MAP2: variants seen among roughly 807,000 people sequenced by gnomAD.
MAP2 encodes microtubule associated protein 2, also known as microtubule-associated protein 2.
A neutral mutation model predicts 137.6 loss-of-function variants in MAP2; 14 were observed. That is an observed-to-expected ratio of 0.10 (90% CI 0.07 to 0.16). MAP2 has a LOEUF of 0.16. Among genes scored for constraint, MAP2 ranks in the 10% least tolerant of loss-of-function variants. The probability of loss-of-function intolerance (pLI) is 1.00; values close to 1 mark genes in which losing one functional copy is unlikely to be tolerated. For synonymous variants in MAP2, 786 were observed against 782.3 expected, an observed-to-expected ratio of 1.00 and a Z score of -0.08; for missense variants, 2,088 against 2,191.5, an observed-to-expected ratio of 0.95 and a Z score of 0.94.
intron 1 of MAP2, among the ~76,000 whole-genome samples, chr2:209,451,828 ACTTTAT>A (rs765153613): frequency 2.0e-4 from 30 of 152,112 alleles, no homozygotes; most frequent in Non-Finnish European, 4.1e-4. Context: ...CTCAGTAAGG[ACTTTAT>A]CTTTAGGTGC....
intron 3 of MAP2, among the ~76,000 whole-genome samples, chr2:209,614,793 C>T (rs922619933): frequency 6.6e-6 from 1 of 152,134 alleles, no homozygotes; most frequent in African/African-American, 2.4e-5. Flanking sequence ...TTAGTCCCCA[C>T]TGTGCTAATT....
Position 209,623,150 on chromosome 2 carries a change from A to G in MAP2, c.-106-1903A>G, listed in dbSNP as rs1287349262. 2.6e-5 allele frequency among the ~76,000 whole-genome samples: 4 copies of G among 152,310 alleles called. No homozygotes were observed. The East Asian group carries it at 7.7e-4, about 29-fold the overall frequency. On this transcript the variant is annotated intron_variant, in intron 3 of 15. Transcript: ENST00000682079. ...TTAAATGTTTTCTGTAAATGGCCAG[A>G]TAGTAAATGTTTTGAGCTTTGCAGG...
At chr2:209,690,947 G>C (rs148207571) in intron 7 of MAP2, 1 of 1,105,526 alleles carries the variant, frequency 9.0e-7, no homozygotes, top group South Asian at 1.6e-5. Flanking sequence ...CTATTTCATC[G>C]CTGGGTCTTA....
At chr2:209,719,766 TA>T (rs2069429275) in intron 13 of MAP2, among the ~76,000 whole-genome samples, 1 of 152,166 alleles carries the variant, frequency 6.6e-6, no homozygotes, top group African/African-American at 2.4e-5. Flanking sequence ...AAAGAATTAG[TA>T]AAATTAAAAT....
chr2:209,602,746 G>A (rs185442453), intron 3 of MAP2, among the ~76,000 whole-genome samples: 74 of 152,276 alleles, frequency 4.9e-4, no homozygotes, highest in African/African-American at 1.7e-3. Context: ...GCCAAAACTG[G>A]ACCAACTCTC....
In MAP2 at chr2:209,623,787, C is replaced by T. The variant is rs1321054892; in HGVS notation, c.-106-1266C>T. Reference sequence around the variant, plus strand: ...AAAAAGCTATATGCAAAGATTTGGACGGTCAGACCTTTCTTTTTAAAATAG... The same window carrying T: ...AAAAAGCTATATGCAAAGATTTGGATGGTCAGACCTTTCTTTTTAAAATAG... On this transcript the variant is annotated intron_variant, in intron 3 of 15. Coordinates refer to ENST00000682079, the MANE Select transcript of MAP2 (RefSeq NM_001375505.1). 4.6e-5 allele frequency among the ~76,000 whole-genome samples: 7 copies of T among 152,084 alleles called. No homozygotes were observed. In the South Asian group the frequency reaches 6.2e-4, roughly 14 times the overall value.
chr2:209,578,026 G>T (rs1474918774), intron 2 of MAP2, among the ~76,000 whole-genome samples: 1 of 152,176 alleles, frequency 6.6e-6, no homozygotes, highest in East Asian at 1.9e-4. Context: ...CAAAGACAAA[G>T]GATGTTTCTG....
At chr2:209,466,761 G>T (rs1025891388) in intron 1 of MAP2, among the ~76,000 whole-genome samples, 1 of 152,168 alleles carries the variant, frequency 6.6e-6, no homozygotes, top group Non-Finnish European at 1.5e-5. Context: ...GAATTGAAAA[G>T]AACTTGTGGA....
At chr2:209,640,115 T>C (rs1025796545) in intron 4 of MAP2, among the ~76,000 whole-genome samples, 2 of 152,128 alleles carry the variant, frequency 1.3e-5, no homozygotes, top group South Asian at 4.1e-4. Flanking sequence ...TACCTCCTAC[T>C]TGTCCTTTAA....
chr2:209,719,034 C>T (rs964792952), intron 13 of MAP2, among the ~76,000 whole-genome samples: 1 of 151,908 alleles, frequency 6.6e-6, no homozygotes, highest in African/African-American at 2.4e-5. Flanking sequence ...AAAATACTTT[C>T]GAAAGAGAGA....
chr2:209,498,298 C>T (rs999885540), intron 1 of MAP2, among the ~76,000 whole-genome samples: 1 of 152,214 alleles, frequency 6.6e-6, no homozygotes, highest in Admixed American at 6.5e-5. Flanking sequence ...GAGGGGGCTC[C>T]TAAGGCCTTG....
chr2:209,433,937 T>C (rs1207455113), intron 1 of MAP2, among the ~76,000 whole-genome samples: 1 of 152,118 alleles, frequency 6.6e-6, no homozygotes, highest in East Asian at 1.9e-4. Context: ...ATGGGTCCTT[T>C]GGCTATTTCC....
In MAP2 at chr2:209,692,625, A is replaced by T. The variant is rs1279951394; in HGVS notation, c.455A>T (p.Asp152Val). ...TTAAAAATCAACCCGATTACTTCAG[A>T]TTTACTTACAGCCTCGAAGATGGAG... ...ASEQTVTVEEDLLTASKMEFH... is the reference protein window; with the variant it reads ...ASEQTVTVEEVLLTASKMEFH... Residue 152 changes from aspartate to valine, a missense_variant and splice_region_variant, in exon 8 of 16, where the codon GAT becomes GTT. Coordinates refer to ENST00000682079, the MANE Select transcript of MAP2 (RefSeq NM_001375505.1). The T allele has an allele frequency of 3.8e-6, 6 of 1,565,012 alleles. No individual in the cohort carries two copies. The highest frequency in any genetic ancestry group is 5.2e-6 in the Non-Finnish European group (6 of 1,161,754).
chr2:209,449,551 T>C (rs1699862695), intron 1 of MAP2, among the ~76,000 whole-genome samples: 1 of 148,984 alleles, frequency 6.7e-6, no homozygotes, highest in Non-Finnish European at 1.5e-5. Context: ...AGTTCAGAAC[T>C]TGTTATATAT....
intron 3 of MAP2, among the ~76,000 whole-genome samples, chr2:209,618,148 G>A (rs888650338): frequency 3.3e-5 from 5 of 152,136 alleles, no homozygotes; most frequent in Middle Eastern, 6.8e-3. Flanking sequence ...AGAGTTCATG[G>A]AGAACACTTC....
intron 2 of MAP2, among the ~76,000 whole-genome samples, chr2:209,536,995 T>C (rs2066052581): frequency 6.6e-6 from 1 of 152,178 alleles, no homozygotes; most frequent in Non-Finnish European, 1.5e-5. Context: ...AGGATTTTTT[T>C]CTAAGTGGCC....
intron 2 of MAP2, among the ~76,000 whole-genome samples, chr2:209,510,860 A>T (rs539741795): frequency 6.6e-6 from 1 of 152,174 alleles, no homozygotes; most frequent in African/African-American, 2.4e-5. Context: ...AATGATTTTC[A>T]TTCTTATAAA....
intron 13 of MAP2, chr2:209,723,775 C>A: frequency 1.2e-6 from 1 of 836,384 alleles, no homozygotes; most frequent in Non-Finnish European, 2.1e-6. Flanking sequence ...CACCTCTTTC[C>A]AACACACTGC....
At chr2:209,434,510 G>T (rs144944175) in intron 1 of MAP2, among the ~76,000 whole-genome samples, 65 of 151,562 alleles carry the variant, frequency 4.3e-4, no homozygotes, top group Middle Eastern at 6.8e-3. Context: ...GGAACCATTT[G>T]ATATAAGGAT....
Sources: gnomAD v4.1 joint callset for allele counts (sites outside exome capture counted in the v4.1 genomes callset) on GRCh38, gnomAD v4.1.1 for gene constraint, MANE v1.5 for transcripts, NCBI Gene and HGNC (gene_info 2026-07-23, HGNC 2026-07-21) for gene names.